POT1: variants seen among roughly 807,000 people sequenced by gnomAD.
POT1 encodes the protein protection of telomeres protein 1.
POT1 carries 47 observed loss-of-function variants against 78.5 expected under a neutral mutation model. The ratio of observed to expected loss-of-function variants is 0.60; its 90% confidence interval spans 0.47 to 0.76. The LOEUF (loss-of-function observed/expected upper bound fraction) is 0.76, where lower values mean the gene tolerates loss of function less well. POT1 is among the 30% of genes least tolerant of loss of function. POT1 has a pLI of 0.00. For synonymous variants in POT1, 259 were observed against 260.7 expected (o/e 0.99, Z 0.06); for missense variants, 646 against 749.9 (o/e 0.86, Z 1.62).
intron 7 of POT1, among the ~76,000 whole-genome samples, chr7:124,868,001 A>G (rs1340769398): frequency 6.6e-6 from 1 of 152,120 alleles, no homozygotes; most frequent in East Asian, 1.9e-4. Context: ...TTACTTTCAT[A>G]CTGTCTGCTT....
intron 8 of POT1, 81 bp from the exon 9 acceptor site, chr7:124,859,193 T>A: frequency 9.8e-7 from 1 of 1,023,932 alleles, no homozygotes; most frequent in Non-Finnish European, 1.4e-6. Flanking sequence ...GAAACAGTAT[T>A]TAAAAGTAAT....
chr7:124,888,932 A>G (rs1413420686), intron 6 of POT1, among the ~76,000 whole-genome samples: 2 of 151,908 alleles, frequency 1.3e-5, no homozygotes, highest in Non-Finnish European at 2.9e-5. Flanking sequence ...TCTGAAACAC[A>G]ACAATATTGA....
intron 8 of POT1, 128 bp downstream of exon 8, chr7:124,863,222 A>T (rs1795642130): frequency 1.1e-6 from 1 of 894,214 alleles, no homozygotes; most frequent in Non-Finnish European, 1.7e-6. Flanking sequence ...CTCGTCAAAA[A>T]TAGTTAAAAT....
intron 2 of POT1, among the ~76,000 whole-genome samples, chr7:124,919,398 T>C (rs1797093327): frequency 6.6e-6 from 1 of 152,158 alleles, no homozygotes; most frequent in Admixed American, 6.6e-5. Context: ...ATAAAAAATG[T>C]AACACATCCT....
intron 6 of POT1, among the ~76,000 whole-genome samples, chr7:124,875,030 C>G (rs369850296): frequency 6.6e-6 from 1 of 151,972 alleles, no homozygotes. Context: ...CCTTGAGGAC[C>G]CATTGGCTCC....
intron 17 of POT1, among the ~76,000 whole-genome samples, chr7:124,826,427 C>T (rs1264508866): frequency 6.6e-6 from 1 of 152,138 alleles, no homozygotes; most frequent in East Asian, 1.9e-4. Context: ...TGTGAATTAT[C>T]AAATCTAAGA....
intron 6 of POT1, among the ~76,000 whole-genome samples, chr7:124,891,865 A>G (rs1193032230): frequency 6.6e-6 from 1 of 151,724 alleles, no homozygotes; most frequent in Non-Finnish European, 1.5e-5. Context: ...CTATGTATCC[A>G]TTAACATATT....
intron 15 of POT1, among the ~76,000 whole-genome samples, chr7:124,830,812 T>TA (rs970759617): frequency 1.3e-5 from 2 of 151,876 alleles, no homozygotes; most frequent in African/African-American, 2.4e-5. Context: ...ACAAAAATTT[T>TA]AAAAAAACCT....
chr7:124,844,582 A>AAAAATTAGCCG (rs1795117751), intron 12 of POT1, among the ~76,000 whole-genome samples: 1 of 151,014 alleles, frequency 6.6e-6, no homozygotes, highest in Non-Finnish European at 1.5e-5. Flanking sequence ...TAAAAATACA[A>AAAAATTAGCCG]AAAATTAGCC....
chr7:124,922,799 A>G (rs904626899), intron 2 of POT1, among the ~76,000 whole-genome samples: 4 of 152,006 alleles, frequency 2.6e-5, no homozygotes, highest in African/African-American at 9.7e-5. Flanking sequence ...TTTTACATAA[A>G]TTGACTATGC....
intron 5 of POT1, among the ~76,000 whole-genome samples, chr7:124,893,248 C>T (rs2116632210): frequency 6.6e-6 from 1 of 151,342 alleles, no homozygotes; most frequent in Non-Finnish European, 1.5e-5. Flanking sequence ...ACTTGTGGTA[C>T]AATTTCTCTC....
chr7:124,880,384 CTG>C (rs1158486090), intron 6 of POT1, among the ~76,000 whole-genome samples: 1 of 151,952 alleles, frequency 6.6e-6, no homozygotes, highest in Admixed American at 6.6e-5. Context: ...AGGAAAAAAA[CTG>C]TGAATTTAAC....
intron 15 of POT1, among the ~76,000 whole-genome samples, chr7:124,832,999 G>GGGGAAAGAACAAAAGCAAT (rs1262928221): frequency 7.9e-5 from 12 of 152,164 alleles, no homozygotes; most frequent in African/African-American, 2.9e-4. Flanking sequence ...ACAAAAGCAA[G>GGGGAAAGAACAAAAGCAAT]TGAGCGAGGA....
chr7:124,883,666 G>A (rs1253514309), intron 6 of POT1, among the ~76,000 whole-genome samples: 1 of 151,906 alleles, frequency 6.6e-6, no homozygotes, highest in Non-Finnish European at 1.5e-5. Context: ...TTCAAAGTGG[G>A]AGAAGCATGA....
chr7:124,846,722 T>C (rs1272192840), intron 12 of POT1, among the ~76,000 whole-genome samples: 1 of 150,532 alleles, frequency 6.6e-6, no homozygotes, highest in Non-Finnish European at 1.5e-5. Context: ...CTGTTAGAGA[T>C]AGATGACTTA....
Position 124,842,808 on chromosome 7 carries a change from G to A in POT1, c.1162C>T (p.Leu388=). 1 of 1,595,544 alleles carries A rather than the reference G, an allele frequency of 6.3e-7. No individual in the cohort carries two copies. Among genetic ancestry groups the A allele is most frequent in the Admixed American group, 1.9e-5 (1 of 53,912 alleles). The change falls in exon 13 of 19, where the codon CTG becomes TTG. Residue 388 remains leucine (L), a splice_region_variant and synonymous_variant. Coordinates refer to ENST00000357628, the MANE Select transcript of POT1 (RefSeq NM_015450.3). The stretch of plus-strand genomic sequence containing the variant: ...TGTTTTATTATGGAAAATACTCACA[G>A]CAAATGACATTTAGGGCAATGAAGT... ...VKLHCPKCHL[L]QEVPHEGDLD... is the part of the protein sequence containing the mutation.
At chr7:124,873,303 C>T (rs2116574515) in intron 6 of POT1, among the ~76,000 whole-genome samples, 1 of 152,250 alleles carries the variant, frequency 6.6e-6, no homozygotes, top group Admixed American at 6.5e-5. Context: ...ATAGAGTGGG[C>T]ATCTGTCTTG....
At chr7:124,860,450 TTA>T (rs1795563495) in intron 8 of POT1, among the ~76,000 whole-genome samples, 2 of 152,186 alleles carry the variant, frequency 1.3e-5, no homozygotes, top group Admixed American at 6.5e-5. Context: ...TTCTCATTTT[TTA>T]TACTGTAAGA....
Position 124,871,055 on chromosome 7 carries a change from A to AAATATTTTACCTGACTTTC in POT1, c.125-33_125-15dup, listed in dbSNP as rs1562997296. The AAATATTTTACCTGACTTTC allele has an allele frequency of 6.4e-7, 1 of 1,558,020 alleles. No individual in the cohort carries two copies. The highest frequency in any genetic ancestry group is 1.9e-5 in the Admixed American group (1 of 52,198). ...CTGAGCAATAATCTGGAAAACACAAAAATATTTTACCTGACTTTCAATATT... is the reference window on the plus strand; with the variant it reads ...CTGAGCAATAATCTGGAAAACACAAAAATATTTTACCTGACTTTCAATATTTTACCTGACTTTCAATATT... On this transcript the variant is annotated splice_polypyrimidine_tract_variant and intron_variant, in intron 6 of 18. Coordinates refer to ENST00000357628, the MANE Select transcript of POT1 (RefSeq NM_015450.3).
Sources: gnomAD v4.1 joint callset for allele counts (sites outside exome capture counted in the v4.1 genomes callset) on GRCh38, gnomAD v4.1.1 for gene constraint, MANE v1.5 for transcripts, NCBI Gene and HGNC (gene_info 2026-07-23, HGNC 2026-07-21) for gene names.